CDH13: variants seen among roughly 807,000 people sequenced by gnomAD.
The protein encoded by CDH13 is cadherin-13.
CDH13 carries 24 observed loss-of-function variants against 63.8 expected under a neutral mutation model. The ratio of observed to expected loss-of-function variants is 0.38; its 90% confidence interval spans 0.27 to 0.53. The LOEUF (loss-of-function observed/expected upper bound fraction) is 0.53. CDH13 is among the 20% of genes least tolerant of loss of function. The probability of loss-of-function intolerance (pLI) is 0.85; values close to 1 mark genes in which losing one functional copy is unlikely to be tolerated. For synonymous variants in CDH13, 503 were observed against 355.3 expected, an observed-to-expected ratio of 1.42 and a Z score of -4.67; for missense variants, 1,049 against 903.1, an observed-to-expected ratio of 1.16 and a Z score of -2.07.
intron 10 of CDH13, among the ~76,000 whole-genome samples, chr16:83,745,683 C>G (rs1286974015): frequency 2.0e-5 from 3 of 152,160 alleles, no homozygotes; most frequent in Non-Finnish European, 4.4e-5. Context: ...TGACCACAGC[C>G]TCCCCCAGGT....
chr16:82,978,515 C>G (rs527321661), intron 2 of CDH13, among the ~76,000 whole-genome samples: 1 of 152,340 alleles, frequency 6.6e-6, no homozygotes, highest in South Asian at 2.1e-4. Flanking sequence ...AACTTGGTGC[C>G]CTGTGTCCCA....
intron 3 of CDH13, among the ~76,000 whole-genome samples, chr16:83,108,713 G>A (rs1368824772): frequency 6.6e-6 from 1 of 152,158 alleles, no homozygotes; most frequent in East Asian, 1.9e-4. Context: ...ACCCTTGGCT[G>A]TCTCTTGTCT....
At chr16:83,333,561 A>G (rs1331567723) in intron 5 of CDH13, among the ~76,000 whole-genome samples, 4 of 152,158 alleles carry the variant, frequency 2.6e-5, no homozygotes, top group Non-Finnish European at 4.4e-5. Context: ...TGGCATTCCA[A>G]GGTCACCATA....
At chr16:83,710,003 A>G (rs1907764129) in intron 10 of CDH13, among the ~76,000 whole-genome samples, 1 of 152,216 alleles carries the variant, frequency 6.6e-6, no homozygotes. Flanking sequence ...TAGATGATTG[A>G]ATTATACTAG....
chr16:83,686,970 G>A (rs1439153699), intron 10 of CDH13, among the ~76,000 whole-genome samples: 1 of 152,168 alleles, frequency 6.6e-6, no homozygotes, highest in Non-Finnish European at 1.5e-5. Flanking sequence ...AGCACTTCGG[G>A]AGGCCAAGGT....
intron 6 of CDH13, among the ~76,000 whole-genome samples, chr16:83,453,967 C>G (rs1598056897): frequency 6.6e-6 from 1 of 151,802 alleles, no homozygotes; most frequent in African/African-American, 2.4e-5. Context: ...GGTGTGCACG[C>G]AGGCACCCTC....
chr16:83,201,669 G>A lies in CDH13; in HGVS notation c.484-15676G>A, dbSNP rs375402266. Among the ~76,000 whole-genome samples, 250 of 151,958 alleles carry A rather than the reference G, an allele frequency of 1.6e-3. 1 individual carries two copies. Among genetic ancestry groups the A allele is most frequent in the South Asian group, 6.0e-3 (29 of 4,804 alleles). ...TCCCAGCACTTTGGGAGGCTGAGGC[G>A]GGCAGGTCACGAGGTCAGGAGATCG... On this transcript the variant is annotated intron_variant, in intron 4 of 13. Transcript: ENST00000567109.
chr16:83,143,627 T>C (rs2036626605), intron 4 of CDH13, among the ~76,000 whole-genome samples: 2 of 152,184 alleles, frequency 1.3e-5, no homozygotes, highest in Non-Finnish European at 2.9e-5. Context: ...GTGGCATTTA[T>C]CATTAGGACC....
rs796315788 is a variant in CDH13, at chr16:83,609,252, C to T, written c.1101+6658C>T. 7.2e-5 allele frequency among the ~76,000 whole-genome samples: 11 copies of T among 152,014 alleles called. 1 individual carries two copies. Among genetic ancestry groups the T allele is most frequent in the African/African-American group, 2.7e-4 (11 of 41,452 alleles). ...AGACATTATGAGATTTTTTTTTTAGCTCATCAGCTATCATATTAGTGTATT... is the reference window on the plus strand; with the variant it reads ...AGACATTATGAGATTTTTTTTTTAGTTCATCAGCTATCATATTAGTGTATT... On this transcript the variant is annotated intron_variant, in intron 8 of 13. Coordinates refer to ENST00000567109, the MANE Select transcript of CDH13 (RefSeq NM_001257.5).
intron 7 of CDH13, among the ~76,000 whole-genome samples, chr16:83,543,214 G>A (rs996861622): frequency 6.6e-6 from 1 of 152,244 alleles, no homozygotes; most frequent in Non-Finnish European, 1.5e-5. Flanking sequence ...GATGTTGCCA[G>A]AGGCTTAATG....
chr16:83,311,826 G>A (rs1295875823), intron 5 of CDH13, among the ~76,000 whole-genome samples: 1 of 152,190 alleles, frequency 6.6e-6, no homozygotes, highest in Non-Finnish European at 1.5e-5. Flanking sequence ...TGTAATCCCA[G>A]CACTTTGGGA....
intron 2 of CDH13, among the ~76,000 whole-genome samples, chr16:83,020,100 A>C (rs142806659): frequency 4.6e-5 from 7 of 152,294 alleles, no homozygotes; most frequent in Admixed American, 3.3e-4. Flanking sequence ...GATTGCTATC[A>C]TATATGTGTT....
chr16:83,168,460 T>C (rs1241145871), intron 4 of CDH13, among the ~76,000 whole-genome samples: 2 of 152,004 alleles, frequency 1.3e-5, no homozygotes, highest in Non-Finnish European at 2.9e-5. Context: ...TTAGCCCAAA[T>C]GCTAATAGTA....
intron 5 of CDH13, among the ~76,000 whole-genome samples, chr16:83,252,138 G>GTGTATATA (rs374599365): frequency 8.3e-6 from 1 of 121,024 alleles, no homozygotes; most frequent in African/African-American, 2.8e-5. Flanking sequence ...ACATATATAT[G>GTGTATATA]TATATATATA....
intron 1 of CDH13, among the ~76,000 whole-genome samples, chr16:82,749,461 A>C (rs907885297): frequency 2.0e-5 from 3 of 152,174 alleles, no homozygotes; most frequent in Non-Finnish European, 4.4e-5. Flanking sequence ...ACTTCCCTTC[A>C]CATATCTCCA....
At chr16:83,368,559 G>C (rs1415042042) in intron 6 of CDH13, among the ~76,000 whole-genome samples, 1 of 151,656 alleles carries the variant, frequency 6.6e-6, no homozygotes, top group Non-Finnish European at 1.5e-5. Context: ...GGAACAGGTG[G>C]TGTTTGGTTA....
chr16:83,092,291 C>G (rs1258937792), intron 3 of CDH13, among the ~76,000 whole-genome samples: 1 of 152,224 alleles, frequency 6.6e-6, no homozygotes, highest in Non-Finnish European at 1.5e-5. Context: ...TTAAATGCCT[C>G]CCACTGTCAC....
At chr16:83,059,702 A>G (rs1016098994) in intron 3 of CDH13, among the ~76,000 whole-genome samples, 1 of 151,466 alleles carries the variant, frequency 6.6e-6, no homozygotes, top group African/African-American at 2.4e-5. Context: ...CATCTGCAAT[A>G]GAGCTTAAAG....
At chr16:82,631,542 C>G (rs1908009335) in intron 1 of CDH13, among the ~76,000 whole-genome samples, 1 of 152,224 alleles carries the variant, frequency 6.6e-6, no homozygotes, top group African/African-American at 2.4e-5. Flanking sequence ...GGTACCCATG[C>G]ACCTGTGAGA....
Sources: gnomAD v4.1 joint callset for allele counts (sites outside exome capture counted in the v4.1 genomes callset) on GRCh38, gnomAD v4.1.1 for gene constraint, MANE v1.5 for transcripts, NCBI Gene and HGNC (gene_info 2026-07-23, HGNC 2026-07-21) for gene names.